LMO4: variants seen among roughly 807,000 people sequenced by gnomAD.
LMO4 encodes the protein LIM domain only 4.
LMO4 carries 3 observed loss-of-function variants against 18.5 expected under a neutral mutation model. The observed-to-expected ratio is 0.16, with a 90% CI of 0.07 to 0.42. The LOEUF (loss-of-function observed/expected upper bound fraction) is 0.42. Ranked by LOEUF, LMO4 falls within the 10% of genes least tolerant of loss-of-function variation. The pLI is 0.99. For missense variants in LMO4, 121 were observed against 219.9 expected, an observed-to-expected ratio of 0.55 and a Z score of 2.84; for synonymous variants, 100 against 88.1, an observed-to-expected ratio of 1.14 and a Z score of -0.76.
chr1:87,330,104 C>T (rs1650092553), intron 1 of LMO4, among the ~76,000 whole-genome samples: 1 of 147,324 alleles, frequency 6.8e-6, no homozygotes, highest in African/African-American at 2.5e-5. Context: ...TGATTCATCT[C>T]TTTTAGATTT....
rs1202735147 is a variant in LMO4, at chr1:87,347,311, T to C, written c.*2515T>C. On this transcript the variant is annotated 3_prime_UTR_variant, in exon 5 of 5. Transcript: ENST00000370544. ...AGTAGTCTTGCTTTAGGTAAAACAC[T>C]TTCTTGAAACCAGAGGCATTTCAAA... The C allele has an allele frequency of 6.6e-6, 1 of 152,166 alleles. No individual in the cohort carries two copies. Among genetic ancestry groups the C allele is most frequent in the Admixed American group, 6.5e-5 (1 of 15,282 alleles). 9.4% of individuals were successfully genotyped at this position (152,166 alleles called of 1,614,324 possible). A position where few individuals can be genotyped will look rare whatever the true frequency, so the allele number is the denominator to read the frequency against.
At chr1:87,329,846 C>G (rs978759029) in intron 1 of LMO4, among the ~76,000 whole-genome samples, 1 of 152,132 alleles carries the variant, frequency 6.6e-6, no homozygotes, top group Non-Finnish European at 1.5e-5. Flanking sequence ...TTTGTCCCTC[C>G]CTTGGTCTCC....
rs1203063728 is a variant in LMO4 at position 87,346,156 on chromosome 1, T to A, written c.*1360T>A. ...GCTCGTGTGGTTGGCTGTAAGGTGT[T>A]TATTTTGTTTTGCTCCTACACTTCT... On this transcript the variant is annotated 3_prime_UTR_variant, in exon 5 of 5. Transcript: ENST00000370544. The A allele has an allele frequency of 1.3e-5, 2 of 152,186 alleles. No individual in the cohort carries two copies. The highest frequency in any genetic ancestry group is 2.9e-5 in the Non-Finnish European group (2 of 68,038). The allele number at this position is 152,186 out of a possible 1,614,324, so 9.4% of individuals were successfully genotyped here.
Position 87,332,268 on chromosome 1 carries a change from T to A in LMO4, c.236+17T>A. The A allele has an allele frequency of 6.3e-7, 1 of 1,590,316 alleles. No homozygotes were observed. The highest frequency in any genetic ancestry group is 8.6e-7 in the Non-Finnish European group (1 of 1,159,264). On this transcript the variant is annotated intron_variant, in intron 2 of 4. Transcript: ENST00000370544. ...CTACATTAGGTAAGACTTTGCTGTCTTTCCTGGAGATGGGGGGAAGAGCAA... is the reference window on the plus strand; with the variant it reads ...CTACATTAGGTAAGACTTTGCTGTCATTCCTGGAGATGGGGGGAAGAGCAA...
rs139269304 is a variant in LMO4 at position 87,340,060 on chromosome 1, C to T, written c.347C>T (p.Ser116Phe). 4.3e-5 allele frequency: 69 copies of T among 1,613,498 alleles called. No individual in the cohort carries two copies. Among genetic ancestry groups the T allele is most frequent in the Non-Finnish European group, 5.8e-5 (69 of 1,179,820 alleles). Reference sequence around the variant, plus strand: ...TTTCCCTTTCAGTGTTTTACATGCTCTACCTGCCGGAATCGCCTGGTCCCG... The same window carrying T: ...TTTCCCTTTCAGTGTTTTACATGCTTTACCTGCCGGAATCGCCTGGTCCCG... Reference protein sequence around the residue: ...NVYHLKCFTCSTCRNRLVPGD... With the variant: ...NVYHLKCFTCFTCRNRLVPGD... The change falls in exon 4 of 5, where the codon TCT becomes TTT. Residue 116 changes from serine to phenylalanine, a missense_variant. By Grantham distance (155) the Ser-to-Phe change is radical. Coordinates refer to ENST00000370544, the MANE Select transcript of LMO4 (RefSeq NM_006769.4).
intron 2 of LMO4, among the ~76,000 whole-genome samples, chr1:87,336,749 C>G (rs1037027385): frequency 6.6e-6 from 1 of 152,092 alleles, no homozygotes; most frequent in African/African-American, 2.4e-5. Flanking sequence ...GAAACTGAAA[C>G]CGATTCTGTC....
intron 2 of LMO4, 67 bp from the exon 3 acceptor site, chr1:87,339,469 G>T: frequency 9.2e-7 from 1 of 1,087,232 alleles, no homozygotes; most frequent in Non-Finnish European, 1.4e-6. Context: ...GAGTCTGGGG[G>T]TGTTTTTCTT....
rs1410444437 is a variant in LMO4 at position 87,347,074 on chromosome 1, TTAAA to T, written c.*2283_*2286del. 2 of 152,208 alleles carry T rather than the reference TTAAA, an allele frequency of 1.3e-5. No homozygotes were observed. Among genetic ancestry groups the T allele is most frequent in the Non-Finnish European group, 2.9e-5 (2 of 68,042 alleles). 9.4% of individuals were successfully genotyped at this position (152,208 alleles called of 1,614,324 possible). On this transcript the variant is annotated 3_prime_UTR_variant, in exon 5 of 5. Transcript: ENST00000370544. ...TGGAGGGCTAAGGTCATTACGGACT[TTAAA>T]TAAACTATTATATGGCTGGTTCCTC...
intron 2 of LMO4, among the ~76,000 whole-genome samples, chr1:87,337,578 A>G (rs1650349973): frequency 6.6e-6 from 1 of 151,764 alleles, no homozygotes; most frequent in African/African-American, 2.4e-5. Flanking sequence ...ACCCCCTTCT[A>G]CCCCCATTAC....
intron 2 of LMO4, among the ~76,000 whole-genome samples, chr1:87,335,324 A>C (rs1048479604): frequency 6.6e-6 from 1 of 151,866 alleles, no homozygotes; most frequent in East Asian, 1.9e-4. Context: ...AGGTCCGGGG[A>C]GGGCGAGGAA....
chr1:87,340,416 A>C (rs576807839), intron 4 of LMO4, among the ~76,000 whole-genome samples: 50 of 152,350 alleles, frequency 3.3e-4, no homozygotes, highest in African/African-American at 1.2e-3. Flanking sequence ...ACTTTGTTAT[A>C]TCTGTAGCTT....
In LMO4 at chr1:87,342,346, G is replaced by A. The variant is rs191835412; in HGVS notation, c.489+2144G>A. On this transcript the variant is annotated intron_variant, in intron 4 of 4. Coordinates refer to ENST00000370544, the MANE Select transcript of LMO4 (RefSeq NM_006769.4). ...ATGGCATAAATTTAGAGGTGTTAGG[G>A]AGGAGAACTGCAGAAAAACCAGGTT... 3.0e-3 allele frequency among the ~76,000 whole-genome samples: 453 copies of A among 152,264 alleles called. 1 individual carries two copies. Among genetic ancestry groups the A allele is most frequent in the Middle Eastern group, 6.8e-3 (2 of 294 alleles).
chr1:87,334,896 T>G (rs1358377123), intron 2 of LMO4, among the ~76,000 whole-genome samples: 1 of 152,174 alleles, frequency 6.6e-6, no homozygotes. Flanking sequence ...TTTTCTTAGT[T>G]CTGATGGGCT....
chr1:87,343,877 C>T (rs1393005808), intron 4 of LMO4, among the ~76,000 whole-genome samples: 2 of 152,116 alleles, frequency 1.3e-5, no homozygotes, highest in Non-Finnish European at 2.9e-5. Flanking sequence ...CGAGAACTTC[C>T]TGGGAGGCTC....
chr1:87,335,102 C>T (rs1399275557), intron 2 of LMO4, among the ~76,000 whole-genome samples: 1 of 152,102 alleles, frequency 6.6e-6, no homozygotes, highest in Non-Finnish European at 1.5e-5. Context: ...TGCCTGGCCC[C>T]CCCATCTTAC....
At chr1:87,330,789 A>G in intron 1 of LMO4, among the ~76,000 whole-genome samples, 1 of 152,216 alleles carries the variant, frequency 6.6e-6, no homozygotes, top group East Asian at 1.9e-4. Flanking sequence ...CAGGCTGCTT[A>G]ATTGGCAGTA....
intron 2 of LMO4, 47 bp downstream of exon 2, chr1:87,332,298 A>G (rs780502304): frequency 3.5e-6 from 5 of 1,436,258 alleles, no homozygotes; most frequent in Non-Finnish European, 4.9e-6. Flanking sequence ...GAGCAATGGC[A>G]AGGCCAAAGG....
At chr1:87,334,787 C>T (rs914298143) in intron 2 of LMO4, among the ~76,000 whole-genome samples, 3 of 152,288 alleles carry the variant, frequency 2.0e-5, no homozygotes, top group African/African-American at 7.2e-5. Flanking sequence ...ATGGGCAGAG[C>T]TGGGCTTCTG....
intron 1 of LMO4, 166 bp from the exon 2 acceptor site, chr1:87,331,847 T>TGAAGCAG: frequency 1.7e-6 from 1 of 593,122 alleles, no homozygotes; most frequent in South Asian, 2.2e-5. Flanking sequence ...CGAGCCTCCC[T>TGAAGCAG]TCTTCCCTCT....
Sources: allele counts gnomAD v4.1 joint callset (sites outside exome capture counted in the v4.1 genomes callset), GRCh38; gene constraint gnomAD v4.1.1; transcripts MANE v1.5; gene names NCBI Gene and HGNC (gene_info 2026-07-23, HGNC 2026-07-21).